EHMT1: variants seen among roughly 807,000 people sequenced by gnomAD.
The protein encoded by EHMT1 is histone-lysine N-methyltransferase EHMT1.
A neutral mutation model predicts 147.2 loss-of-function variants in EHMT1; 15 were observed. The observed-to-expected ratio is 0.10, with a 90% CI of 0.07 to 0.16. The LOEUF is 0.16. Among genes scored for constraint, EHMT1 ranks in the 10% least tolerant of loss-of-function variants. The pLI is 1.00. For missense variants in EHMT1, 1,587 were observed against 1,772.4 expected, an observed-to-expected ratio of 0.90 and a Z score of 1.88; for synonymous variants, 795 against 709.6, an observed-to-expected ratio of 1.12 and a Z score of -1.91.
chr9:137,672,612 A>G (rs1940805858), intron 1 of EHMT1, among the ~76,000 whole-genome samples: 2 of 152,382 alleles, frequency 1.3e-5, no homozygotes, highest in Admixed American at 6.5e-5. Flanking sequence ...CCGTAAACCA[A>G]AGCGCCTGGC....
At chr9:137,695,755 C>T (rs150100971) in intron 1 of EHMT1, among the ~76,000 whole-genome samples, 160 of 152,284 alleles carry the variant, frequency 1.1e-3, no homozygotes, top group African/African-American at 3.7e-3. Context: ...GGGTTGAGGC[C>T]GCCGTCTGTG....
chr9:137,666,159 C>G (rs1349838525), intron 1 of EHMT1: 1 of 152,274 alleles, frequency 6.6e-6, no homozygotes, highest in South Asian at 2.1e-4. Context: ...GGGGACACCT[C>G]CTTGTCCTCC....
At chr9:137,774,958 T>C (rs1159034690) in intron 10 of EHMT1, 151 bp from the exon 11 acceptor site, 5 of 1,089,672 alleles carry the variant, frequency 4.6e-6, no homozygotes, top group Non-Finnish European at 6.9e-6. Flanking sequence ...CGATAAGTGC[T>C]TGCAAAGCCA....
intron 4 of EHMT1, 168 bp downstream of exon 4, chr9:137,728,697 C>T (rs1450633404): frequency 1.3e-6 from 1 of 779,672 alleles, no homozygotes; most frequent in Non-Finnish European, 2.2e-6. Flanking sequence ...GGAGGCACAC[C>T]TGACCTCTGC....
At chr9:137,798,684 C>G in intron 16 of EHMT1, 129 bp from the exon 17 acceptor site, 1 of 808,426 alleles carries the variant, frequency 1.2e-6, no homozygotes, top group Non-Finnish European at 2.2e-6. Context: ...CCTGGGTTTC[C>G]TTGTCATTTG....
intron 2 of EHMT1, among the ~76,000 whole-genome samples, chr9:137,711,348 C>T (rs981976297): frequency 6.6e-5 from 10 of 152,152 alleles, no homozygotes; most frequent in South Asian, 2.1e-4. Flanking sequence ...CGCCGAAAAC[C>T]GGAGACACTC....
intron 1 of EHMT1, among the ~76,000 whole-genome samples, chr9:137,678,963 TA>T (rs1941670432): frequency 6.6e-6 from 1 of 152,104 alleles, no homozygotes; most frequent in Non-Finnish European, 1.5e-5. Flanking sequence ...TATTTTATTT[TA>T]TTTTTTTGAG....
chr9:137,794,869 G>A (rs1235009283), intron 16 of EHMT1, among the ~76,000 whole-genome samples: 1 of 152,092 alleles, frequency 6.6e-6, no homozygotes, highest in African/African-American at 2.4e-5. Flanking sequence ...AAAAGCAAAA[G>A]GCAGATAAGC....
In EHMT1 at chr9:137,762,677, T is replaced by A. The variant is rs546042446; in HGVS notation, c.1504T>A (p.Leu502Met). 4 of 1,614,154 alleles carry A rather than the reference T, an allele frequency of 2.5e-6. No individual in the cohort carries two copies. Among genetic ancestry groups the A allele is most frequent in the Middle Eastern group, 1.6e-4 (1 of 6,062 alleles). ...KGILSSQAEG[L>M]ANGPDVLETD... ...GACATGTGTCTGTGTGACGTTAGGG[T>A]TGGCCAACGGTCCAGATGTGCTGGA... Residue 502 changes from leucine (L) to methionine (M), a missense_variant and splice_region_variant, in exon 10 of 27, where the codon TTG (leucine) becomes ATG (methionine). Transcript: ENST00000460843.
At chr9:137,653,900 TCTC>T (rs376539304) in intron 1 of EHMT1, among the ~76,000 whole-genome samples, 23 of 152,252 alleles carry the variant, frequency 1.5e-4, no homozygotes, top group African/African-American at 5.1e-4. Flanking sequence ...TACTGGAACT[TCTC>T]CTCCTTGATG....
At chr9:137,715,988 T>A (rs1945185104) in intron 2 of EHMT1, among the ~76,000 whole-genome samples, 1 of 151,582 alleles carries the variant, frequency 6.6e-6, no homozygotes, top group African/African-American at 2.4e-5. Flanking sequence ...TAGACAGTTT[T>A]ATATAAGCCA....
chr9:137,827,762 C>T (rs1016212543), intron 25 of EHMT1, among the ~76,000 whole-genome samples: 14 of 151,656 alleles, frequency 9.2e-5, no homozygotes, highest in Middle Eastern at 3.2e-3. Flanking sequence ...CCCGCCCTCC[C>T]GGTCCTTACC....
chr9:137,812,299 G>A (rs1372323334), intron 19 of EHMT1, among the ~76,000 whole-genome samples: 1 of 152,138 alleles, frequency 6.6e-6, no homozygotes, highest in Non-Finnish European at 1.5e-5. Flanking sequence ...AGATTGCGAC[G>A]CTACACTCCA....
chr9:137,759,525 G>A (rs1266737894), intron 9 of EHMT1, among the ~76,000 whole-genome samples: 1 of 152,238 alleles, frequency 6.6e-6, no homozygotes, highest in Admixed American at 6.5e-5. Context: ...TCTAAAGGAA[G>A]GATGGTGCCG....
chr9:137,748,627 C>T (rs1019064699), intron 6 of EHMT1, among the ~76,000 whole-genome samples: 18 of 152,332 alleles, frequency 1.2e-4, no homozygotes, highest in African/African-American at 3.8e-4. Flanking sequence ...CGGCCACACT[C>T]GGTGCTGCCA....
At chr9:137,690,169 G>A (rs1405202749) in intron 1 of EHMT1, among the ~76,000 whole-genome samples, 1 of 152,112 alleles carries the variant, frequency 6.6e-6, no homozygotes, top group East Asian at 1.9e-4. Context: ...AGAAGTGATG[G>A]GATTTCTCAT....
At chr9:137,769,803 TAGCC>T (rs1377987679) in intron 10 of EHMT1, among the ~76,000 whole-genome samples, 2 of 152,082 alleles carry the variant, frequency 1.3e-5, no homozygotes, top group African/African-American at 4.8e-5. Flanking sequence ...AAGAAATTCT[TAGCC>T]AGCTATCACT....
In EHMT1 at chr9:137,828,962, G is replaced by T. The variant is rs1004400642; in HGVS notation, c.3541-5387G>T. On this transcript the variant is annotated intron_variant, in intron 25 of 26. Coordinates refer to ENST00000460843, the MANE Select transcript of EHMT1 (RefSeq NM_024757.5). This position sits in a 1 kb window ranked among gnomAD's most constrained non-coding sequence, Gnocchi z 5.3. ...CTGGCCCTCCCAGATGGCCTCTTTTGCCTCTGGCGAAGTGAAGTGAGCACC... is the reference window on the plus strand; with the variant it reads ...CTGGCCCTCCCAGATGGCCTCTTTTTCCTCTGGCGAAGTGAAGTGAGCACC... Among the ~76,000 whole-genome samples, 4 of 152,126 alleles carry T rather than the reference G, an allele frequency of 2.6e-5. No individual in the cohort carries two copies. Among genetic ancestry groups the T allele is most frequent in the Admixed American group, 1.3e-4 (2 of 15,286 alleles).
intron 3 of EHMT1, among the ~76,000 whole-genome samples, chr9:137,727,009 GT>G (rs1274253415): frequency 6.6e-6 from 1 of 152,084 alleles, no homozygotes; most frequent in East Asian, 1.9e-4. Flanking sequence ...TATTCTGGTG[GT>G]TTTTTATTGT....
Sources: gnomAD v4.1 joint callset for allele counts (sites outside exome capture counted in the v4.1 genomes callset) on GRCh38, gnomAD v4.1.1 for gene constraint, Gnocchi (gnomAD v3.1) non-coding constraint, MANE v1.5 for transcripts, NCBI Gene and HGNC (gene_info 2026-07-23, HGNC 2026-07-21) for gene names.